Variants in NSD1 observed in about 807,000 individuals in gnomAD.
NSD1 encodes nuclear receptor binding SET domain protein 1.
NSD1 carries 26 observed loss-of-function variants against 242.7 expected under a neutral mutation model. The observed-to-expected ratio is 0.11, with a 90% CI of 0.08 to 0.15. The LOEUF (loss-of-function observed/expected upper bound fraction) is 0.15. NSD1 is among the 10% of genes least tolerant of loss of function. The pLI, the probability that NSD1 is intolerant of heterozygous loss-of-function variation, is 1.00. For missense variants in NSD1, 2,495 were observed against 3,272.8 expected, an observed-to-expected ratio of 0.76 and a Z score of 5.80; for synonymous variants, 1,106 against 1,178.1, an observed-to-expected ratio of 0.94 and a Z score of 1.25.
intron 5 of NSD1, among the ~76,000 whole-genome samples, chr5:177,233,377 T>C (rs149935278): frequency 3.2e-4 from 49 of 151,810 alleles, no homozygotes; most frequent in African/African-American, 1.2e-3. Flanking sequence ...CCCCAAGGCA[T>C]AAATTTTTTT....
At chr5:177,148,393 C>A (rs940744366) in intron 2 of NSD1, among the ~76,000 whole-genome samples, 1 of 152,112 alleles carries the variant, frequency 6.6e-6, no homozygotes, top group African/African-American at 2.4e-5. Context: ...GCTGGGATTA[C>A]AGGCGTGAGC....
chr5:177,240,507 A>G lies in NSD1; in HGVS notation c.4302+642A>G, dbSNP rs1765771123. 5.3e-5 allele frequency among the ~76,000 whole-genome samples: 8 copies of G among 152,110 alleles called. No homozygotes were observed. In the South Asian group the frequency reaches 1.7e-3, roughly 32 times the overall value. On this transcript the variant is annotated intron_variant, in intron 8 of 22. Coordinates refer to ENST00000439151, the MANE Select transcript of NSD1 (RefSeq NM_022455.5). ...GGCGGGCGGATCACAAGGTCAGGAT[A>G]TCGAGACCATCCTGGCTAACATGGA...
intron 2 of NSD1, among the ~76,000 whole-genome samples, chr5:177,152,348 TGTA>T (rs1187385854): frequency 6.6e-6 from 1 of 151,548 alleles, no homozygotes; most frequent in East Asian, 1.9e-4. Flanking sequence ...TATGTATGTA[TGTA>T]TGTATGTATG....
chr5:177,258,741 G>A (rs1264366858), intron 13 of NSD1, among the ~76,000 whole-genome samples: 2 of 151,992 alleles, frequency 1.3e-5, no homozygotes, highest in East Asian at 1.9e-4. Flanking sequence ...TCATCATATC[G>A]GTCAGGCTGG....
intron 5 of NSD1, among the ~76,000 whole-genome samples, chr5:177,231,043 G>A (rs1765014504): frequency 6.6e-6 from 1 of 152,102 alleles, no homozygotes; most frequent in African/African-American, 2.4e-5. Context: ...TTATGACCTT[G>A]CCACCTCAAT....
In NSD1 at chr5:177,290,408, A is replaced by ATT. The variant is rs573014778; in HGVS notation, c.6258+1499_6258+1500dup. ...AAGCCAATAAGAAAAGAGTAAATAAATTTTTTTTTTTTTTTTTGAGACGGA... is the reference window on the plus strand; with the variant it reads ...AAGCCAATAAGAAAAGAGTAAATAAATTTTTTTTTTTTTTTTTTTGAGACGGA... On this transcript the variant is annotated intron_variant, in intron 21 of 22. Transcript: ENST00000439151. Among the ~76,000 whole-genome samples, 1,385 of 139,310 alleles carry ATT rather than the reference A, an allele frequency of 9.9e-3. 17 individuals are homozygous for ATT. Among genetic ancestry groups the ATT allele is most frequent in the Non-Finnish European group, 0.016 (1,036 of 64,156 alleles). The allele number at this position is 139,310 out of a possible 152,430, so 91.4% of individuals were successfully genotyped here. A position where few individuals can be genotyped will look rare whatever the true frequency, so the allele number is the denominator to read the frequency against.
rs143931809 is a variant in NSD1 at position 177,210,053 on chromosome 5, T to C, written c.1654T>C (p.Ser552Pro). Residue 552 changes from serine (S) to proline (P), a missense_variant, in exon 5 of 23, where the codon TCC (serine) becomes CCC (proline). By Grantham distance (74) the Ser-to-Pro change is moderately conservative (BLOSUM62 -1). Coordinates refer to ENST00000439151, the MANE Select transcript of NSD1 (RefSeq NM_022455.5). ...TGATACGCAGGCCTCTAATGAACTT[T>C]CCAGGATAGCAAATAGCCTCACAGG... Reference protein sequence around the residue: ...ISDTQASNELSRIANSLTGSN... With the variant: ...ISDTQASNELPRIANSLTGSN... The C allele has an allele frequency of 4.3e-6, 7 of 1,614,000 alleles. No individual in the cohort carries two copies. The East Asian group carries it at 8.9e-5, about 21-fold the overall frequency.
intron 3 of NSD1, among the ~76,000 whole-genome samples, chr5:177,193,239 C>T (rs927973734): frequency 1.3e-5 from 2 of 152,068 alleles, no homozygotes; most frequent in Non-Finnish European, 2.9e-5. Context: ...CTGCTGGGTT[C>T]ATGCCATTCT....
chr5:177,227,085 T>C (rs536927341), intron 5 of NSD1, among the ~76,000 whole-genome samples: 1 of 152,314 alleles, frequency 6.6e-6, no homozygotes, highest in South Asian at 2.1e-4. Context: ...CACATATGGA[T>C]GAAATATTAT....
chr5:177,158,519 G>A (rs1169295988), intron 2 of NSD1, among the ~76,000 whole-genome samples: 1 of 151,506 alleles, frequency 6.6e-6, no homozygotes, highest in African/African-American at 2.4e-5. Context: ...TGTATTTTTG[G>A]TAGTGACAGG....
rs773641288 is a variant in NSD1 at position 177,235,948 on chromosome 5, A to T, written c.3921+3A>T. The T allele has an allele frequency of 1.9e-6, 3 of 1,613,710 alleles. No homozygotes were observed. The highest frequency in any genetic ancestry group is 2.5e-6 in the Non-Finnish European group (3 of 1,179,796). On this transcript the variant is annotated splice_donor_region_variant and intron_variant, in intron 6 of 22. Coordinates refer to ENST00000439151, the MANE Select transcript of NSD1 (RefSeq NM_022455.5). ...AGGTACAGGAGCAGGTGCACAAGGT[A>T]TGTTGCAAAATTTCAGCAAACTTTC...
chr5:177,288,923 A>C lies in NSD1; in HGVS notation c.6256A>C (p.Lys2086Gln). Reference sequence around the variant, plus strand: ...CAGTGGCTTCTTGGGTGTAAGGCCAAAGGTACCACCCTTCTAGACTTCTGC... The same window carrying C: ...CAGTGGCTTCTTGGGTGTAAGGCCACAGGTACCACCCTTCTAGACTTCTGC... Reference protein sequence around the residue: ...NCSGFLGVRPKNQPIATEEKS... With the variant: ...NCSGFLGVRPQNQPIATEEKS... Residue 2086 changes from lysine (K) to glutamine (Q), a missense_variant and splice_region_variant, in exon 21 of 23, where the codon AAG becomes CAG. This residue lies in a region of NSD1 where 26 missense variants were observed against 119.1 expected (regional missense o/e 0.22). Coordinates refer to ENST00000439151, the MANE Select transcript of NSD1 (RefSeq NM_022455.5). The C allele has an allele frequency of 6.2e-7, 1 of 1,610,762 alleles. No individual in the cohort carries two copies. The highest frequency in any genetic ancestry group is 8.5e-7 in the Non-Finnish European group (1 of 1,176,950).
At chr5:177,153,988 C>A (rs1328290353) in intron 2 of NSD1, among the ~76,000 whole-genome samples, 4 of 152,000 alleles carry the variant, frequency 2.6e-5, no homozygotes, top group Non-Finnish European at 5.9e-5. Context: ...CATGGAGTGG[C>A]TTAGCTGGAT....
chr5:177,185,824 A>G (rs1761107700), intron 2 of NSD1, among the ~76,000 whole-genome samples: 1 of 91,624 alleles, frequency 1.1e-5, no homozygotes, highest in Admixed American at 1.8e-4. Context: ...TATATATAAT[A>G]TATAAGTTTT....
At chr5:177,264,157 T>G (rs779559382) in intron 14 of NSD1, among the ~76,000 whole-genome samples, 1 of 150,418 alleles carries the variant, frequency 6.6e-6, no homozygotes, top group Non-Finnish European at 1.5e-5. Context: ...TGCCTTAGCC[T>G]CCTGAGTAGC....
intron 2 of NSD1, among the ~76,000 whole-genome samples, chr5:177,159,593 A>ATTT (rs61064789): frequency 1.0e-4 from 12 of 118,572 alleles, no homozygotes; most frequent in African/African-American, 9.6e-5. Flanking sequence ...CTAAGTCTGA[A>ATTT]TTTTTTTTTT....
At chr5:177,172,546 A>G (rs1759802694) in intron 2 of NSD1, among the ~76,000 whole-genome samples, 1 of 152,220 alleles carries the variant, frequency 6.6e-6, no homozygotes, top group Non-Finnish European at 1.5e-5. Flanking sequence ...TAGTGGTAAT[A>G]TATGGCAGGA....
chr5:177,201,931 C>T (rs900740592), intron 3 of NSD1, among the ~76,000 whole-genome samples: 4 of 151,642 alleles, frequency 2.6e-5, no homozygotes, highest in Non-Finnish European at 5.9e-5. Context: ...CTTTGGGAGG[C>T]CGAGGCGGGC....
intron 20 of NSD1, among the ~76,000 whole-genome samples, chr5:177,286,698 A>G (rs543582146): frequency 6.6e-6 from 1 of 152,314 alleles, no homozygotes; most frequent in Admixed American, 6.5e-5. Flanking sequence ...TTCCTCTATA[A>G]TAAATCAGTC....
Sources: gnomAD v4.1 joint callset for allele counts (sites outside exome capture counted in the v4.1 genomes callset) on GRCh38, gnomAD v4.1.1 for gene constraint, gnomAD v4.1.1 regional missense constraint, MANE v1.5 for transcripts, NCBI Gene and HGNC (gene_info 2026-07-23, HGNC 2026-07-21) for gene names.